COL4A1: variants seen among roughly 807,000 people sequenced by gnomAD.
COL4A1 encodes the protein collagen alpha-1(IV) chain.
In COL4A1, 40 loss-of-function variants were observed where a neutral mutation model predicts 216.6. The observed-to-expected ratio is 0.18, with a 90% CI of 0.14 to 0.24. The LOEUF is 0.24. Among genes scored for constraint, COL4A1 ranks in the 10% least tolerant of loss-of-function variants. The pLI is 1.00. For synonymous variants in COL4A1, 839 were observed against 810.7 expected (o/e 1.03, Z -0.59); for missense variants, 1,628 against 2,196.8 (o/e 0.74, Z 5.18).
At chr13:110,176,842 A>G (rs1374375706) in intron 34 of COL4A1, 43 bp downstream of exon 34, 5 of 1,614,008 alleles carry the variant, frequency 3.1e-6, no homozygotes, top group Non-Finnish European at 2.5e-6. Context: ...GGAAAGGCAC[A>G]TTGTGGTTCC....
chr13:110,201,285 G>A (rs1386501362), intron 19 of COL4A1, 153 bp downstream of exon 19: 15 of 566,872 alleles, frequency 2.6e-5, no homozygotes, highest in Non-Finnish European at 4.4e-5. Flanking sequence ...GGGGGAGGAG[G>A]AAGAGAAGGA....
intron 49 of COL4A1, among the ~76,000 whole-genome samples, chr13:110,160,664 A>G (rs998048528): frequency 6.6e-6 from 1 of 152,206 alleles, no homozygotes; most frequent in Non-Finnish European, 1.5e-5. Context: ...CAAGCCTGGC[A>G]TTATCTCACC....
intron 2 of COL4A1, among the ~76,000 whole-genome samples, chr13:110,220,587 T>C (rs977667314): frequency 1.3e-5 from 2 of 152,184 alleles, no homozygotes; most frequent in Non-Finnish European, 2.9e-5. Flanking sequence ...TGAGAGCTGT[T>C]CTATTTCTAG....
chr13:110,254,611 C>T (rs1882429616), intron 1 of COL4A1, among the ~76,000 whole-genome samples: 1 of 152,134 alleles, frequency 6.6e-6, no homozygotes, highest in South Asian at 2.1e-4. Flanking sequence ...TTAGTAAAAC[C>T]AGTGGTGGCA....
chr13:110,186,616 C>T, intron 25 of COL4A1, 63 bp from the exon 26 acceptor site: 1 of 1,588,946 alleles, frequency 6.3e-7, no homozygotes, highest in Non-Finnish European at 8.6e-7. Flanking sequence ...GTCCTTATCG[C>T]ATTCTTCTGA....
chr13:110,229,015 CTT>C (rs1880883546), intron 2 of COL4A1, among the ~76,000 whole-genome samples: 1 of 152,168 alleles, frequency 6.6e-6, no homozygotes, highest in South Asian at 2.1e-4. Context: ...ATTCCACAAA[CTT>C]TGGTTTTCCC....
chr13:110,200,560 G>C (rs138037854), intron 20 of COL4A1, among the ~76,000 whole-genome samples: 332 of 152,248 alleles, frequency 2.2e-3, no homozygotes, highest in Non-Finnish European at 4.2e-3. Context: ...GGGAAAAGAG[G>C]GGGGCAGGCT....
chr13:110,209,022 T>C, intron 11 of COL4A1, 132 bp from the exon 12 acceptor site: 2 of 997,090 alleles, frequency 2.0e-6, no homozygotes, highest in Non-Finnish European at 3.2e-6. Context: ...TCTCATAAAA[T>C]TTTCTGGAAA....
chr13:110,157,077 G>T (rs1876820237), intron 49 of COL4A1, among the ~76,000 whole-genome samples: 1 of 152,174 alleles, frequency 6.6e-6, no homozygotes, highest in African/African-American at 2.4e-5. Flanking sequence ...TGGGCTGAGG[G>T]ATTCAAGGGT....
intron 24 of COL4A1, 23 bp downstream of exon 24, chr13:110,192,191 T>A (rs767801211): frequency 6.2e-7 from 1 of 1,612,910 alleles, no homozygotes; most frequent in Non-Finnish European, 8.5e-7. Flanking sequence ...GATATGTACA[T>A]GAACTCAGAC....
intron 17 of COL4A1, among the ~76,000 whole-genome samples, chr13:110,204,203 G>A (rs9521646): frequency 0.66 from 99,027 of 150,862 alleles, 33,009 homozygotes; most frequent in East Asian, 0.89. Flanking sequence ...TTATATAAAC[G>A]TCATCGTAAT....
At chr13:110,156,880 G>C (rs1451788022) in intron 49 of COL4A1, among the ~76,000 whole-genome samples, 3 of 151,808 alleles carry the variant, frequency 2.0e-5, no homozygotes, top group Non-Finnish European at 2.9e-5. Flanking sequence ...GTGTCTGTCT[G>C]TGTGTGTGTG....
Position 110,307,054 on chromosome 13 carries a change from C to T in COL4A1, c.-27G>A. ...GTGGCGCGCCCGAGGCGGCGAGGGA[C>T]GGCTGCCCGGCGTGCGGGGGCCGCG... On this transcript the variant is annotated 5_prime_UTR_variant, in exon 1 of 52. Coordinates refer to ENST00000375820, the MANE Select transcript of COL4A1 (RefSeq NM_001845.6). The surrounding 1 kb of genome is among the most constrained non-coding windows in gnomAD (Gnocchi z 5.0). 6.9e-7 allele frequency: 1 copy of T among 1,439,332 alleles called. No homozygotes were observed. The highest frequency in any genetic ancestry group is 1.5e-5 in the African/African-American group (1 of 67,320). The allele number at this position is 1,439,332 out of a possible 1,614,324, so 89.2% of individuals were successfully genotyped here.
At chr13:110,201,328 AAGG>A (rs1404208939) in intron 19 of COL4A1, 107 bp downstream of exon 19, 16 of 666,996 alleles carry the variant, frequency 2.4e-5, no homozygotes, top group African/African-American at 8.0e-5. Flanking sequence ...GGGGAGGAGG[AAGG>A]AGGAGGAGGA....
intron 1 of COL4A1, among the ~76,000 whole-genome samples, chr13:110,259,299 G>A (rs1882708201): frequency 6.6e-6 from 1 of 152,052 alleles, no homozygotes; most frequent in Non-Finnish European, 1.5e-5. Context: ...AACTCACTCA[G>A]TCCAGTGACT....
chr13:110,163,340 T>C, intron 47 of COL4A1, 123 bp downstream of exon 47: 3 of 811,078 alleles, frequency 3.7e-6, no homozygotes, highest in Non-Finnish European at 6.4e-6. Context: ...GAAACAGACT[T>C]CTTCGGAAAT....
At chr13:110,172,112 C>G (rs1877671521) in intron 41 of COL4A1, among the ~76,000 whole-genome samples, 1 of 152,268 alleles carries the variant, frequency 6.6e-6, no homozygotes, top group South Asian at 2.1e-4. Flanking sequence ...GCCAGCCCAG[C>G]CACGGGCCAT....
At chr13:110,225,212 G>A (rs1365446624) in intron 2 of COL4A1, among the ~76,000 whole-genome samples, 2 of 152,304 alleles carry the variant, frequency 1.3e-5, no homozygotes, top group African/African-American at 4.8e-5. Flanking sequence ...GAACCCAGCA[G>A]GCAGTGACTG....
intron 46 of COL4A1, among the ~76,000 whole-genome samples, chr13:110,163,794 C>T (rs928944121): frequency 6.6e-6 from 1 of 152,036 alleles, no homozygotes; most frequent in Non-Finnish European, 1.5e-5. Context: ...GTTCTGAGTT[C>T]TCCCTGGTTT....
Sources: allele counts gnomAD v4.1 joint callset (sites outside exome capture counted in the v4.1 genomes callset), GRCh38; gene constraint gnomAD v4.1.1; non-coding constraint Gnocchi (gnomAD v3.1); transcripts MANE v1.5; gene names NCBI Gene and HGNC (gene_info 2026-07-23, HGNC 2026-07-21).